The following SMG1 variants were observed in gnomAD, a reference collection of about 807,000 sequenced individuals.
SMG1 encodes serine/threonine-protein kinase SMG1.
In SMG1, 22 loss-of-function variants were observed where a neutral mutation model predicts 419.9. The ratio of observed to expected loss-of-function variants is 0.05; its 90% CI spans 0.04 to 0.07. The LOEUF (loss-of-function observed/expected upper bound fraction) is 0.07, where lower values mean the gene tolerates loss of function less well. SMG1 is among the 10% of genes least tolerant of loss of function. The pLI, the probability that SMG1 is intolerant of heterozygous loss-of-function variation, is 1.00. For missense variants in SMG1, 3,185 were observed against 4,342.0 expected, an observed-to-expected ratio of 0.73 and a Z score of 7.49; for synonymous variants, 1,538 against 1,553.5, an observed-to-expected ratio of 0.99 and a Z score of 0.23.
intron 11 of SMG1, chr16:18,877,977 G>C (rs1287028062): frequency 2.6e-5 from 4 of 152,190 alleles, no homozygotes; most frequent in African/African-American, 9.6e-5. Context: ...GATGAAACCA[G>C]ATGGGCCATT....
chr16:18,813,764 T>C (rs1450804391), intron 60 of SMG1, among the ~76,000 whole-genome samples: 1 of 152,166 alleles, frequency 6.6e-6, no homozygotes, highest in African/African-American at 2.4e-5. Flanking sequence ...TGGTATTGCC[T>C]AGGTTTTCTT....
chr16:18,882,787 G>T (rs1463677334), intron 9 of SMG1, among the ~76,000 whole-genome samples: 1 of 152,168 alleles, frequency 6.6e-6, no homozygotes, highest in Admixed American at 6.5e-5. Flanking sequence ...ACAAGACCTG[G>T]TCTACAGATG....
chr16:18,882,199 C>T lies in SMG1; in HGVS notation c.1259G>A (p.Arg420Gln), dbSNP rs1402627879. Residue 420 changes from arginine to glutamine, a missense_variant, in exon 10 of 63, where the codon CGG (arginine) becomes CAG (glutamine). Physicochemically the swap from Arg to Gln is conservative, Grantham distance 43. This residue lies in a region of SMG1 where 52 missense variants were observed against 69.0 expected (regional missense o/e 0.75). Transcript: ENST00000446231. ...ATATGCCTCAGTAATTGGAGGACCC[C>T]GAATTGGGCTGAAGCGTTCCCCAAT... ...RSIGERFSPI[R>Q]GPPITEAYVT... 9 of 1,588,012 alleles carry T rather than the reference C, an allele frequency of 5.7e-6. No homozygotes were observed. The highest frequency in any genetic ancestry group is 2.3e-5 in the South Asian group (2 of 86,828).
chr16:18,873,214 T>A (rs1225099022), intron 13 of SMG1, among the ~76,000 whole-genome samples: 1 of 152,028 alleles, frequency 6.6e-6, no homozygotes, highest in African/African-American at 2.4e-5. Flanking sequence ...GTACCTGTGT[T>A]CCAAGAAAAC....
chr16:18,835,609 A>G (rs2033510018), intron 48 of SMG1, among the ~76,000 whole-genome samples: 1 of 152,204 alleles, frequency 6.6e-6, no homozygotes, highest in African/African-American at 2.4e-5. Flanking sequence ...TCCACTCCCA[A>G]TAAGAAATAC....
intron 13 of SMG1, among the ~76,000 whole-genome samples, chr16:18,873,545 G>A (rs1451562751): frequency 2.6e-5 from 4 of 152,120 alleles, no homozygotes; most frequent in Non-Finnish European, 5.9e-5. Flanking sequence ...AAAAACAGGC[G>A]CTAGTGTTGT....
intron 29 of SMG1, among the ~76,000 whole-genome samples, chr16:18,855,116 A>G (rs1008862243): frequency 6.6e-6 from 1 of 152,230 alleles, no homozygotes; most frequent in Admixed American, 6.5e-5. Flanking sequence ...AGTAAAGTCA[A>G]GTCATTCATT....
chr16:18,877,279 A>C (rs2036179829), intron 11 of SMG1, 47 bp from the exon 12 acceptor site: 1 of 1,381,854 alleles, frequency 7.2e-7, no homozygotes, highest in African/African-American at 1.4e-5. Flanking sequence ...AATTACAAAA[A>C]GACATGGAGA....
intron 1 of SMG1, among the ~76,000 whole-genome samples, chr16:18,908,585 T>C (rs866190306): frequency 6.7e-6 from 1 of 150,024 alleles, no homozygotes. Flanking sequence ...TTTACCAATA[T>C]AAGAAATGAA....
chr16:18,914,774 G>GTT (rs1338916589), intron 1 of SMG1, among the ~76,000 whole-genome samples: 1 of 152,018 alleles, frequency 6.6e-6, no homozygotes, highest in Non-Finnish European at 1.5e-5. Context: ...CATTCTAATG[G>GTT]GATGCCAGAA....
intron 9 of SMG1, among the ~76,000 whole-genome samples, chr16:18,883,037 C>T (rs1178662574): frequency 6.6e-6 from 1 of 152,094 alleles, no homozygotes; most frequent in Admixed American, 6.6e-5. Flanking sequence ...GAAAAAACAA[C>T]ACAGAAGCGA....
At chr16:18,852,957 T>C (rs971066828) in intron 31 of SMG1, among the ~76,000 whole-genome samples, 23 of 152,222 alleles carry the variant, frequency 1.5e-4, no homozygotes, top group African/African-American at 4.8e-4. Flanking sequence ...AGATTTATAA[T>C]GACCACAAGA....
intron 1 of SMG1, among the ~76,000 whole-genome samples, chr16:18,909,712 G>C (rs2037717121): frequency 6.6e-6 from 1 of 152,204 alleles, no homozygotes; most frequent in African/African-American, 2.4e-5. Context: ...TTAACTGTAG[G>C]AAAATGTATT....
intron 1 of SMG1, among the ~76,000 whole-genome samples, chr16:18,919,843 T>C (rs2038126884): frequency 6.6e-6 from 1 of 152,098 alleles, no homozygotes; most frequent in Admixed American, 6.6e-5. Context: ...GTCTCACTCC[T>C]GTAATCCCAG....
At chr16:18,847,748 C>G in intron 37 of SMG1, 68 bp downstream of exon 37, 1 of 1,574,262 alleles carries the variant, frequency 6.4e-7, no homozygotes, top group South Asian at 1.1e-5. Flanking sequence ...ATTGTCAATA[C>G]AGATTGGCAA....
intron 7 of SMG1, 34 bp downstream of exon 7, chr16:18,885,507 C>A (rs753152800): frequency 6.3e-7 from 1 of 1,595,406 alleles, no homozygotes; most frequent in East Asian, 2.2e-5. Flanking sequence ...ATCCCCCTCA[C>A]CCCATGATCT....
rs1296679704 is a variant in SMG1, at chr16:18,905,052, GAGT to G, written c.93-8099_93-8097del. ...TGAGGCAGGCAGATCATGAGTTCAG[GAGT>G]TTGAGACCAGCCTGGGCAACATAGT... is the stretch of plus-strand genomic sequence containing the variant. On this transcript the variant is annotated intron_variant, in intron 1 of 62. Transcript: ENST00000446231. Among the ~76,000 whole-genome samples the G allele has an allele frequency of 3.9e-5, 6 of 151,964 alleles. No individual in the cohort carries two copies. In the East Asian group the frequency reaches 9.7e-4, roughly 25 times the overall value.
In SMG1 at chr16:18,837,278, G is replaced by A; in HGVS notation, c.7579C>T (p.His2527Tyr). Residue 2527 changes from histidine to tyrosine, a missense_variant, in exon 46 of 63, where the codon CAT becomes TAT. Physicochemically the swap from His to Tyr is moderately conservative, Grantham distance 83. This residue lies in a region of SMG1 where 412 missense variants were observed against 546.6 expected (regional missense o/e 0.75). Transcript: ENST00000446231. ...EFLEGAEGVD[H>Y]PSHTLQHRYS... is the part of the protein sequence containing the mutation. ...CTGTGTTGCAGAGTATGAGAAGGAT[G>A]ATCCACCCCTTCAGCTCCTTCTAGA... 1 of 1,613,856 alleles carries A rather than the reference G, an allele frequency of 6.2e-7. No individual in the cohort carries two copies. Among genetic ancestry groups the A allele is most frequent in the Non-Finnish European group, 8.5e-7 (1 of 1,179,810 alleles).
intron 1 of SMG1, chr16:18,925,695 C>T (rs1396993938): frequency 5.8e-5 from 23 of 398,328 alleles, no homozygotes; most frequent in Admixed American, 2.4e-4. Flanking sequence ...GTCCCGACCC[C>T]AGGCCAGTGC....
Sources: gnomAD v4.1 joint callset for allele counts (sites outside exome capture counted in the v4.1 genomes callset) on GRCh38, gnomAD v4.1.1 for gene constraint, gnomAD v4.1.1 regional missense constraint, MANE v1.5 for transcripts, NCBI Gene and HGNC (gene_info 2026-07-23, HGNC 2026-07-21) for gene names.